SPATS2L: variants seen among roughly 807,000 people sequenced by gnomAD.
SPATS2L encodes spermatogenesis associated serine rich 2 like.
SPATS2L carries 30 observed loss-of-function variants against 59.6 expected under a neutral mutation model. The observed-to-expected ratio is 0.50, with a 90% CI of 0.38 to 0.68. The LOEUF (loss-of-function observed/expected upper bound fraction) is 0.68, where lower values mean the gene tolerates loss of function less well. Ranked by LOEUF, SPATS2L falls within the 30% of genes least tolerant of loss-of-function variation. SPATS2L has a pLI of 0.00. For missense variants in SPATS2L, 615 were observed against 700.0 expected, an observed-to-expected ratio of 0.88 and a Z score of 1.37; for synonymous variants, 252 against 263.5, an observed-to-expected ratio of 0.96 and a Z score of 0.42.
In SPATS2L at chr2:200,419,358, A is replaced by G. The variant is rs1465678935; in HGVS notation, c.307A>G (p.Ile103Val). 9.3e-6 allele frequency: 15 copies of G among 1,612,098 alleles called. No individual in the cohort carries two copies. Among genetic ancestry groups the G allele is most frequent in the Admixed American group, 1.7e-5 (1 of 59,736 alleles). The change falls in exon 6 of 13, where the codon ATT becomes GTT. Residue 103 changes from isoleucine (I) to valine (V), a missense_variant. Transcript: ENST00000409140. ...AGPLQPQPPQ[I>V]QNGPMNGCEK... is the part of the protein sequence containing the mutation. ...GCCCCTGCAGCCGCAGCCACCACAG[A>G]TTCAAAACGGCCCCATGAATGGCTG...
At chr2:200,379,789 C>CTTCACATAACG (rs1378691063) in intron 2 of SPATS2L, among the ~76,000 whole-genome samples, 1 of 152,090 alleles carries the variant, frequency 6.6e-6, no homozygotes, top group Non-Finnish European at 1.5e-5. Flanking sequence ...CTCTTCTCTG[C>CTTCACATAACG]TTCACATAAC....
At chr2:200,444,229 G>A (rs928582648) in intron 8 of SPATS2L, among the ~76,000 whole-genome samples, 1 of 152,124 alleles carries the variant, frequency 6.6e-6, no homozygotes, top group African/African-American at 2.4e-5. Flanking sequence ...TGCTTTATAT[G>A]CAGACTAGTC....
At chr2:200,475,919 C>T (rs1378911614) in intron 12 of SPATS2L, among the ~76,000 whole-genome samples, 1 of 152,138 alleles carries the variant, frequency 6.6e-6, no homozygotes, top group Non-Finnish European at 1.5e-5. Flanking sequence ...GGAATAGCTC[C>T]ACCATTTCCC....
chr2:200,368,460 C>G (rs950538352), intron 2 of SPATS2L, among the ~76,000 whole-genome samples: 4 of 152,310 alleles, frequency 2.6e-5, no homozygotes, highest in African/African-American at 4.8e-5. Flanking sequence ...ATTTGCCTCA[C>G]TGCCATTTTC....
chr2:200,344,048 A>T (rs35592099), intron 2 of SPATS2L, among the ~76,000 whole-genome samples: 98,007 of 151,328 alleles, frequency 0.65, 35,049 homozygotes, highest in South Asian at 0.81. Context: ...TATTTTTTTT[A>T]AAAAAAATTT....
intron 5 of SPATS2L, among the ~76,000 whole-genome samples, chr2:200,417,585 G>A (rs941082151): frequency 6.6e-6 from 1 of 152,184 alleles, no homozygotes; most frequent in Non-Finnish European, 1.5e-5. Flanking sequence ...CCTCCTGGAG[G>A]TTGAAAAGGA....
intron 6 of SPATS2L, among the ~76,000 whole-genome samples, chr2:200,429,938 T>A (rs781704451): frequency 2.0e-5 from 3 of 152,118 alleles, no homozygotes; most frequent in Non-Finnish European, 4.4e-5. Context: ...AACTAGTTAT[T>A]TCATGTGATT....
chr2:200,468,785 C>A (rs1225684247), intron 10 of SPATS2L, among the ~76,000 whole-genome samples: 1 of 152,240 alleles, frequency 6.6e-6, no homozygotes, highest in Non-Finnish European at 1.5e-5. Flanking sequence ...AAGAAATTCA[C>A]AGCTGGACTT....
chr2:200,365,413 C>T (rs978878209), intron 2 of SPATS2L, among the ~76,000 whole-genome samples: 27 of 152,220 alleles, frequency 1.8e-4, no homozygotes, highest in African/African-American at 6.3e-4. Flanking sequence ...TGTGGGGCTG[C>T]TGCTGGCTGG....
chr2:200,337,280 G>A lies in SPATS2L; in HGVS notation c.-23+7800G>A, dbSNP rs192535578. On this transcript the variant is annotated intron_variant, in intron 2 of 12. Transcript: ENST00000409140. ...ATACAAAATTTTTTAATAAAGTAAT[G>A]GAAAGGATTTTACATTCTGGGTCAT... Among the ~76,000 whole-genome samples the A allele has an allele frequency of 2.0e-5, 3 of 152,256 alleles. No homozygotes were observed. The East Asian group carries it at 5.8e-4, about 29-fold the overall frequency.
intron 2 of SPATS2L, among the ~76,000 whole-genome samples, chr2:200,363,610 C>T (rs751777243): frequency 6.6e-6 from 1 of 152,170 alleles, no homozygotes; most frequent in Non-Finnish European, 1.5e-5. Flanking sequence ...CATAGCTCTT[C>T]CCAAGAATTG....
intron 12 of SPATS2L, among the ~76,000 whole-genome samples, chr2:200,476,200 G>C (rs2087507284): frequency 6.6e-6 from 1 of 152,082 alleles, no homozygotes. Context: ...TGTGTTGAAG[G>C]AATGATTTTT....
At chr2:200,419,166 A>G (rs1304446094) in intron 5 of SPATS2L, 84 bp from the exon 6 acceptor site, 1 of 1,364,676 alleles carries the variant, frequency 7.3e-7, no homozygotes, top group Admixed American at 2.7e-5. Context: ...AAAAGATAGC[A>G]TATCTTATTT....
chr2:200,326,955 C>A (rs1388107647), intron 1 of SPATS2L, among the ~76,000 whole-genome samples: 1 of 146,088 alleles, frequency 6.8e-6, no homozygotes, highest in East Asian at 2.0e-4. Context: ...CCATGTTGGC[C>A]AGGCTGGTCA....
chr2:200,470,489 G>C (rs2086944472), intron 11 of SPATS2L, among the ~76,000 whole-genome samples: 1 of 152,156 alleles, frequency 6.6e-6, no homozygotes. Context: ...TGCAGATAAT[G>C]AAAGACTTCA....
chr2:200,389,686 A>G (rs1328601944), intron 3 of SPATS2L: 1 of 163,372 alleles, frequency 6.1e-6, no homozygotes, highest in African/African-American at 2.4e-5. Context: ...TCTAAGAGCA[A>G]GGGTATTATA....
intron 3 of SPATS2L, among the ~76,000 whole-genome samples, chr2:200,406,155 G>A (rs2082680243): frequency 6.6e-6 from 1 of 152,166 alleles, no homozygotes; most frequent in Non-Finnish European, 1.5e-5. Flanking sequence ...AGTAGAGCAG[G>A]AAGTCACATA....
chr2:200,359,978 A>G (rs375327019), intron 2 of SPATS2L, among the ~76,000 whole-genome samples: 6 of 152,226 alleles, frequency 3.9e-5, no homozygotes, highest in African/African-American at 1.4e-4. Context: ...GTGTAAGAAT[A>G]TATTGGAGCT....
At chr2:200,313,548 G>A (rs2079262730) in intron 1 of SPATS2L, among the ~76,000 whole-genome samples, 1 of 152,048 alleles carries the variant, frequency 6.6e-6, no homozygotes, top group South Asian at 2.1e-4. Flanking sequence ...TTGCTTCATT[G>A]TCTTTTCTTC....
Sources: gnomAD v4.1 joint callset for allele counts (sites outside exome capture counted in the v4.1 genomes callset) on GRCh38, gnomAD v4.1.1 for gene constraint, MANE v1.5 for transcripts, NCBI Gene and HGNC (gene_info 2026-07-23, HGNC 2026-07-21) for gene names.